SBF2: variants seen among roughly 807,000 people sequenced by gnomAD.
SBF2 encodes the protein myotubularin-related protein 13.
A neutral mutation model predicts 225.2 loss-of-function variants in SBF2; 112 were observed. The ratio of observed to expected loss-of-function variants is 0.50; its 90% CI spans 0.43 to 0.58. The LOEUF is 0.58. Among genes scored for constraint, SBF2 ranks in the 20% least tolerant of loss-of-function variants. The pLI, the probability that SBF2 is intolerant of heterozygous loss-of-function variation, is 0.00. For synonymous variants in SBF2, 763 were observed against 773.3 expected (o/e 0.99, Z 0.22); for missense variants, 1,996 against 2,206.2 (o/e 0.90, Z 1.91).
intron 16 of SBF2, among the ~76,000 whole-genome samples, chr11:9,914,225 G>A (rs967331116): frequency 1.3e-5 from 2 of 152,046 alleles, no homozygotes; most frequent in Admixed American, 6.6e-5. Flanking sequence ...AAGAATAGAC[G>A]GACAATATAA....
intron 22 of SBF2, among the ~76,000 whole-genome samples, chr11:9,848,619 G>A (rs547098559): frequency 4.6e-5 from 7 of 152,332 alleles, no homozygotes; most frequent in East Asian, 1.9e-4. Flanking sequence ...TCACGTTTAC[G>A]TGTCCAAAAT....
chr11:9,873,405 G>A (rs1858949415), intron 17 of SBF2, among the ~76,000 whole-genome samples: 1 of 152,098 alleles, frequency 6.6e-6, no homozygotes, highest in Non-Finnish European at 1.5e-5. Context: ...GGTGTATGCT[G>A]CTAACTTCAT....
intron 1 of SBF2, among the ~76,000 whole-genome samples, chr11:10,197,486 G>A (rs1252089127): frequency 6.6e-6 from 1 of 152,180 alleles, no homozygotes; most frequent in Non-Finnish European, 1.5e-5. Context: ...GCTAAAAAAT[G>A]CTATCAATCA....
intron 6 of SBF2, among the ~76,000 whole-genome samples, chr11:10,002,891 G>A (rs1207392429): frequency 6.6e-6 from 1 of 152,102 alleles, no homozygotes; most frequent in Admixed American, 6.5e-5. Context: ...TTCAAATCAG[G>A]TAACACTCAT....
rs781626925 is a variant in SBF2, at chr11:9,824,788, C to G, written c.3793+4568G>C. On this transcript the variant is annotated intron_variant, in intron 28 of 39. Transcript: ENST00000256190. ...AGACATCTGCTGAAAGTTGCACTGT[C>G]TAAAAGTTGAGTGGAAAAATTACTG... is the stretch of plus-strand genomic sequence containing the variant. 2.0e-5 allele frequency among the ~76,000 whole-genome samples: 3 copies of G among 152,128 alleles called. No individual in the cohort carries two copies. In the South Asian group the frequency reaches 6.2e-4, roughly 32 times the overall value.
intron 1 of SBF2, among the ~76,000 whole-genome samples, chr11:10,230,288 T>C (rs996079398): frequency 6.6e-6 from 1 of 152,212 alleles, no homozygotes; most frequent in African/African-American, 2.4e-5. Context: ...TGTCTTTTAA[T>C]TGGAGCATTT....
intron 2 of SBF2, among the ~76,000 whole-genome samples, chr11:10,094,567 G>A (rs1313101692): frequency 8.4e-6 from 1 of 119,486 alleles, no homozygotes; most frequent in Non-Finnish European, 1.7e-5. Context: ...TTCACTCTTG[G>A]TCTTGGCTCA....
intron 28 of SBF2, among the ~76,000 whole-genome samples, chr11:9,828,864 T>G (rs981545261): frequency 1.3e-5 from 2 of 152,194 alleles, no homozygotes; most frequent in Admixed American, 1.3e-4. Context: ...TTTATTTATA[T>G]TTCCCACTTC....
chr11:10,247,526 C>CAAA (rs36111945), intron 1 of SBF2, among the ~76,000 whole-genome samples: 3 of 112,182 alleles, frequency 2.7e-5, no homozygotes, highest in Non-Finnish European at 3.7e-5. Context: ...ACTAAAAATA[C>CAAA]AAAAAAAAAA....
At chr11:10,159,559 C>T (rs1315759409) in intron 2 of SBF2, among the ~76,000 whole-genome samples, 1 of 152,198 alleles carries the variant, frequency 6.6e-6, no homozygotes, top group East Asian at 1.9e-4. Flanking sequence ...TCATTCCTGA[C>T]CAATCAGCAC....
intron 13 of SBF2, among the ~76,000 whole-genome samples, chr11:9,978,257 T>C (rs930239601): frequency 3.3e-5 from 5 of 152,220 alleles, no homozygotes; most frequent in African/African-American, 1.2e-4. Flanking sequence ...ATTTACTTCA[T>C]GAATGATGAT....
At chr11:10,265,508 G>GT (rs202046386) in intron 1 of SBF2, among the ~76,000 whole-genome samples, 2 of 93,660 alleles carry the variant, frequency 2.1e-5, no homozygotes, top group Admixed American at 1.5e-4. Context: ...GGGGGGAGAG[G>GT]TGGGGGGGTA....
intron 17 of SBF2, among the ~76,000 whole-genome samples, chr11:9,872,514 C>T (rs1032991278): frequency 4.6e-5 from 7 of 152,114 alleles, no homozygotes; most frequent in Admixed American, 1.3e-4. Context: ...ACAGAGATTT[C>T]ACCAGAGATG....
chr11:10,214,952 C>T (rs1265942693), intron 1 of SBF2, among the ~76,000 whole-genome samples: 2 of 152,184 alleles, frequency 1.3e-5, no homozygotes, highest in Non-Finnish European at 2.9e-5. Context: ...TCCAGAGTGA[C>T]TGAGCTCCTA....
intron 17 of SBF2, among the ~76,000 whole-genome samples, chr11:9,871,458 G>C (rs956090560): frequency 4.0e-5 from 5 of 124,616 alleles, no homozygotes; most frequent in East Asian, 4.2e-4. Context: ...CCTCACACCA[G>C]ACAGGATGAC....
intron 1 of SBF2, among the ~76,000 whole-genome samples, chr11:10,253,898 C>A (rs1053292166): frequency 6.6e-6 from 1 of 151,876 alleles, no homozygotes; most frequent in African/African-American, 2.4e-5. Context: ...TATTCAACAT[C>A]GATAATAGTA....
intron 6 of SBF2, among the ~76,000 whole-genome samples, chr11:10,004,733 T>C (rs1161034530): frequency 6.6e-6 from 1 of 152,194 alleles, no homozygotes; most frequent in African/African-American, 2.4e-5. Context: ...TCTGCCCTAT[T>C]GTTTCACTAA....
At chr11:10,060,352 GACT>G (rs1950391481) in intron 2 of SBF2, among the ~76,000 whole-genome samples, 1 of 152,134 alleles carries the variant, frequency 6.6e-6, no homozygotes, top group African/African-American at 2.4e-5. Context: ...TCTCTGAACA[GACT>G]ACTAACAAGC....
intron 2 of SBF2, among the ~76,000 whole-genome samples, chr11:10,083,434 T>C (rs1037668049): frequency 6.6e-6 from 1 of 152,174 alleles, no homozygotes; most frequent in African/African-American, 2.4e-5. Flanking sequence ...AAAGAAATCC[T>C]GAGCAAAAAG....
Sources: allele counts gnomAD v4.1 joint callset (sites outside exome capture counted in the v4.1 genomes callset), GRCh38; gene constraint gnomAD v4.1.1; transcripts MANE v1.5; gene names NCBI Gene and HGNC (gene_info 2026-07-23, HGNC 2026-07-21).